The following ZUP1 variants were observed in gnomAD, a reference collection of about 807,000 sequenced individuals.
The protein encoded by ZUP1 is zinc finger-containing ubiquitin peptidase 1.
A neutral mutation model predicts 68.1 loss-of-function variants in ZUP1; 55 were observed. The ratio of observed to expected loss-of-function variants is 0.81; its 90% CI spans 0.65 to 1.01. The LOEUF (loss-of-function observed/expected upper bound fraction) is 1.01, where lower values mean the gene tolerates loss of function less well. Ranked by LOEUF, ZUP1 falls within the 50% of genes least tolerant of loss-of-function variation. The pLI, the probability that ZUP1 is intolerant of heterozygous loss-of-function variation, is 0.00. For synonymous variants in ZUP1, 223 were observed against 221.5 expected, an observed-to-expected ratio of 1.01 and a Z score of -0.06; for missense variants, 684 against 674.9, an observed-to-expected ratio of 1.01 and a Z score of -0.15.
chr6:116,667,137 GC>G lies in ZUP1; in HGVS notation c.55del (p.Ala19LeufsTer3), dbSNP rs1777039080. The G allele has an allele frequency of 1.2e-6, 2 of 1,611,842 alleles. No individual in the cohort carries two copies. Among genetic ancestry groups the G allele is most frequent in the African/African-American group, 1.3e-5 (1 of 74,862 alleles). On this transcript the variant is annotated frameshift_variant, in exon 2 of 10. Transcript: ENST00000368576. LOFTEE classifies it high-confidence loss of function. The stretch of plus-strand genomic sequence containing the variant: ...ACTTTCCATGTGAACAATTAGGTGA[GC>G]TTTCATGTCTGGTTCTGAGGTTACT... Reference protein sequence around the residue: ...ETVTSEPDMKAHLIVHMESEI... With the variant: ...ETVTSEPDMKXHLIVHMESEI...
In ZUP1 at chr6:116,652,021, T is replaced by A; in HGVS notation, c.1133A>T (p.Tyr378Phe). Residue 378 changes from tyrosine (Y) to phenylalanine (F), a missense_variant, in exon 6 of 10, where the codon TAC (tyrosine) becomes TTC (phenylalanine). By Grantham distance (22) the Tyr-to-Phe change is conservative (BLOSUM62 3). Coordinates refer to ENST00000368576, the MANE Select transcript of ZUP1 (RefSeq NM_145062.3). The stretch of plus-strand genomic sequence containing the variant: ...TCACATACCTTTTAAGCAATCGTTG[T>A]AAGCATCATTTTGTAATAATGATGA... ...LLSSLLQNDA[Y>F]NDCLKGMLIP... 6.2e-7 allele frequency: 1 copy of A among 1,613,874 alleles called. No individual in the cohort carries two copies. The highest frequency in any genetic ancestry group is 2.2e-5 in the East Asian group (1 of 44,866).
intron 9 of ZUP1, among the ~76,000 whole-genome samples, chr6:116,643,687 T>C (rs1405453242): frequency 6.6e-6 from 1 of 152,136 alleles, no homozygotes; most frequent in African/African-American, 2.4e-5. Flanking sequence ...AAAAATTAAT[T>C]CATGATGGAT....
chr6:116,652,050 T>A lies in ZUP1; in HGVS notation c.1104A>T (p.Leu368=). ...CATCATTTTGTAATAATGATGAAAG[T>A]AGCATTTGGAAATTTCTGTAACCAC... ...WGCGYRNFQM[L]LSSLLQNDAY... The change falls in exon 6 of 10, where the codon CTA becomes CTT. Residue 368 remains leucine (L), a synonymous_variant. Transcript: ENST00000368576. 6.2e-7 allele frequency: 1 copy of A among 1,614,020 alleles called. No homozygotes were observed. Among genetic ancestry groups the A allele is most frequent in the South Asian group, 1.1e-5 (1 of 91,078 alleles).
chr6:116,658,487 T>G (rs951989855), intron 4 of ZUP1, among the ~76,000 whole-genome samples: 9 of 152,192 alleles, frequency 5.9e-5, no homozygotes, highest in Non-Finnish European at 1.0e-4. Context: ...ATGCAAGCTT[T>G]ATCACTAATT....
intron 2 of ZUP1, among the ~76,000 whole-genome samples, chr6:116,661,966 CA>C (rs1300860535): frequency 4.6e-5 from 7 of 152,054 alleles, no homozygotes; most frequent in African/African-American, 1.7e-4. Flanking sequence ...TAAGTATGTT[CA>C]AAATGCTCAC....
intron 9 of ZUP1, among the ~76,000 whole-genome samples, chr6:116,643,837 T>G (rs1776200115): frequency 1.3e-5 from 2 of 152,166 alleles, no homozygotes; most frequent in Admixed American, 1.3e-4. Flanking sequence ...AATTGACAAA[T>G]GGGATCTAAT....
At chr6:116,655,108 A>T (rs1776624354) in intron 5 of ZUP1, among the ~76,000 whole-genome samples, 1 of 151,934 alleles carries the variant, frequency 6.6e-6, no homozygotes, top group Non-Finnish European at 1.5e-5. Flanking sequence ...AGCTATAATT[A>T]GCTACATCCA....
chr6:116,635,734 G>T lies in ZUP1; in HGVS notation c.*98C>A. On this transcript the variant is annotated 3_prime_UTR_variant, in exon 10 of 10. Transcript: ENST00000368576. Reference sequence around the variant, plus strand: ...TTAAATTATATGTTAAGACTTAAGAGAATTCACAGATTCATAATTGTATTA... The same window carrying T: ...TTAAATTATATGTTAAGACTTAAGATAATTCACAGATTCATAATTGTATTA... 1.1e-6 allele frequency: 1 copy of T among 921,012 alleles called. No homozygotes were observed. The highest frequency in any genetic ancestry group is 1.6e-6 in the Non-Finnish European group (1 of 616,322). The allele number at this position is 921,012 out of a possible 1,614,324, so 57.1% of individuals were successfully genotyped here. A position where few individuals can be genotyped will look rare whatever the true frequency, so the allele number is the denominator to read the frequency against.
chr6:116,663,392 A>T (rs118160290), intron 2 of ZUP1, among the ~76,000 whole-genome samples: 1 of 152,052 alleles, frequency 6.6e-6, no homozygotes, highest in Admixed American at 6.5e-5. Flanking sequence ...CTATTTACCT[A>T]TTTCACTTCT....
At chr6:116,668,165 T>C (rs1336277067) in intron 1 of ZUP1, among the ~76,000 whole-genome samples, 1 of 152,182 alleles carries the variant, frequency 6.6e-6, no homozygotes, top group Non-Finnish European at 1.5e-5. Context: ...CCTCCCTACA[T>C]TGTCCTTATT....
intron 9 of ZUP1, among the ~76,000 whole-genome samples, chr6:116,639,524 C>T (rs1084881): frequency 0.21 from 32,166 of 151,972 alleles, 3,714 homozygotes; most frequent in Non-Finnish European, 0.27. Flanking sequence ...GCAGCATTCG[C>T]GGTTCACGAA....
At chr6:116,655,119 G>C (rs983983127) in intron 5 of ZUP1, among the ~76,000 whole-genome samples, 2 of 151,426 alleles carry the variant, frequency 1.3e-5, no homozygotes, top group Non-Finnish European at 3.0e-5. Context: ...GCTACATCCA[G>C]TTCTGGATGT....
At chr6:116,638,603 T>C (rs1397921146) in intron 9 of ZUP1, among the ~76,000 whole-genome samples, 1 of 152,206 alleles carries the variant, frequency 6.6e-6, no homozygotes, top group Non-Finnish European at 1.5e-5. Context: ...TTAGGTCTCC[T>C]TGGATTAAGT....
At chr6:116,663,853 A>T (rs1294767153) in intron 2 of ZUP1, among the ~76,000 whole-genome samples, 1 of 152,086 alleles carries the variant, frequency 6.6e-6, no homozygotes, top group East Asian at 1.9e-4. Context: ...AGGCTGAGGC[A>T]GGAGAACCAC....
intron 6 of ZUP1, 99 bp from the exon 7 acceptor site, chr6:116,651,836 G>A: frequency 6.8e-7 from 1 of 1,462,402 alleles, no homozygotes. Flanking sequence ...CGGTTTTTAA[G>A]ACAGTTATTC....
intron 2 of ZUP1, among the ~76,000 whole-genome samples, chr6:116,666,409 G>A (rs901492400): frequency 1.3e-5 from 2 of 152,142 alleles, no homozygotes; most frequent in African/African-American, 2.4e-5. Flanking sequence ...TAGACAGAAA[G>A]TTCCAAAACT....
intron 9 of ZUP1, among the ~76,000 whole-genome samples, 197 bp downstream of exon 9, chr6:116,645,517 G>A (rs1776263029): frequency 6.7e-6 from 1 of 149,402 alleles, no homozygotes; most frequent in South Asian, 2.1e-4. Flanking sequence ...GGAGGTCAAG[G>A]CTGTAGTGAG....
rs780708073 is a variant in ZUP1 at position 116,667,088 on chromosome 6, C to A, written c.105G>T (p.Lys35Asn). The A allele has an allele frequency of 6.2e-7, 1 of 1,613,750 alleles. No homozygotes were observed. Among genetic ancestry groups the A allele is most frequent in the Non-Finnish European group, 8.5e-7 (1 of 1,179,832 alleles). Residue 35 changes from lysine (K) to asparagine (N), a missense_variant, in exon 2 of 10, where the codon AAG becomes AAT. Lys to Asn is a moderately conservative substitution (Grantham distance 94, BLOSUM62 0). Transcript: ENST00000368576. ...MESEIICPFC[K>N]LSGVNYDEMC... ...TTTCATCATAATTCACACCTGACAACTTGCAAAATGGACATATAATTTCAC... is the reference window on the plus strand; with the variant it reads ...TTTCATCATAATTCACACCTGACAAATTGCAAAATGGACATATAATTTCAC...
At chr6:116,645,673 C>A in intron 9 of ZUP1, 41 bp downstream of exon 9, 1 of 1,393,058 alleles carries the variant, frequency 7.2e-7, no homozygotes, top group South Asian at 1.4e-5. Context: ...CTTTTAAGTT[C>A]ATCTCATTCA....
Sources: gnomAD v4.1 joint callset for allele counts (sites outside exome capture counted in the v4.1 genomes callset) on GRCh38, gnomAD v4.1.1 for gene constraint, MANE v1.5 for transcripts, NCBI Gene and HGNC (gene_info 2026-07-23, HGNC 2026-07-21) for gene names.